SPATA31A6: variants seen among roughly 807,000 people sequenced by gnomAD.
SPATA31A6 encodes spermatogenesis-associated protein 31A6.
A neutral mutation model predicts 11.9 loss-of-function variants in SPATA31A6; 9 were observed. The observed-to-expected ratio is 0.76, with a 90% confidence interval of 0.46 to 1.32. SPATA31A6 has a LOEUF of 1.32. SPATA31A6 is among the 40% of genes most tolerant of loss of function. The pLI, the probability that SPATA31A6 is intolerant of heterozygous loss-of-function variation, is 0.00. For synonymous variants in SPATA31A6, 314 were observed against 572.1 expected (o/e 0.55, Z 6.44); for missense variants, 855 against 1,467.3 (o/e 0.58, Z 6.82).
chr9:42,187,715 G>C lies in SPATA31A6; in HGVS notation c.2013G>C (p.Leu671=), dbSNP rs758708183. 4.6e-6 allele frequency: 7 copies of C among 1,519,546 alleles called. 1 individual carries two copies. The East Asian group carries it at 1.7e-4, about 37-fold the overall frequency. 94.1% of individuals were successfully genotyped at this position (1,519,546 alleles called of 1,614,324 possible). A position where few individuals can be genotyped will look rare whatever the true frequency, so the allele number is the denominator to read the frequency against. ...RDLCPHLGQI[L]GETPQNLSRD... is the part of the protein sequence containing the mutation. ...TGTGCCCACATCTGGGGCAAATTCTGGGTGAGACCCCACAAAATCTATCCA... is the reference window on the plus strand; with the variant it reads ...TGTGCCCACATCTGGGGCAAATTCTCGGTGAGACCCCACAAAATCTATCCA... Residue 671 remains leucine, a synonymous_variant, in exon 4 of 4, where the codon CTG becomes CTC. Transcript: ENST00000332857.
chr9:42,184,964 G>A lies in SPATA31A6; in HGVS notation c.190-105G>A, dbSNP rs1309742153. On this transcript the variant is annotated intron_variant, in intron 1 of 3. Coordinates refer to ENST00000332857, the MANE Select transcript of SPATA31A6 (RefSeq NM_001145196.1). ...AGTGCAGCATGCTGCGGCTGGGCTG[G>A]AGCAGAGAGGGAGAGCCAGTCCTAG... 1.9e-5 allele frequency: 26 copies of A among 1,387,378 alleles called. 5 individuals are homozygous for A. Among genetic ancestry groups the A allele is most frequent in the African/African-American group, 6.5e-5 (4 of 61,150 alleles). The allele number at this position is 1,387,378 out of a possible 1,614,324, so 85.9% of individuals were successfully genotyped here. A position where few individuals can be genotyped will look rare whatever the true frequency, so the allele number is the denominator to read the frequency against.
chr9:42,186,974 C>T lies in SPATA31A6; in HGVS notation c.1272C>T (p.Ser424=), dbSNP rs776758043. ...QLFWGLPSLH[S]ESLVANAWVT... ...TCTGGGGCCTCCCCTCTCTGCACAG[C>T]GAGTCCCTGGTGGCTAACGCCTGGG... Residue 424 remains serine (S), a synonymous_variant, in exon 4 of 4, where the codon AGC becomes AGT. Transcript: ENST00000332857. 51 of 1,544,872 alleles carry T rather than the reference C, an allele frequency of 3.3e-5. 6 individuals are homozygous for T. The highest frequency in any genetic ancestry group is 2.1e-4 in the South Asian group (18 of 87,416).
intron 1 of SPATA31A6, among the ~76,000 whole-genome samples, chr9:42,184,589 G>A (rs1269767639): frequency 1.5e-5 from 2 of 134,674 alleles, no homozygotes; most frequent in Non-Finnish European, 3.1e-5. Context: ...CAGTGAAATG[G>A]AGTGATATAG....
chr9:42,189,456 T>A lies in SPATA31A6; in HGVS notation c.3754T>A (p.Ser1252Thr), dbSNP rs1237203449. The stretch of plus-strand genomic sequence containing the variant: ...CTGCAACCACAGGCACCTCTTCTAC[T>A]CAGAACATGGCAGAATACTGAGCTA... ...FPCNHRHLFY[S>T]EHGRILSYAA... The change falls in exon 4 of 4, where the codon TCA becomes ACA. Residue 1252 changes from serine to threonine, a missense_variant. Physicochemically the swap from Ser to Thr is moderately conservative, Grantham distance 58. Transcript: ENST00000332857. 1 of 1,553,678 alleles carries A rather than the reference T, an allele frequency of 6.4e-7. No individual in the cohort carries two copies. Among genetic ancestry groups the A allele is most frequent in the African/African-American group, 1.6e-5 (1 of 61,154 alleles).
Position 42,185,664 on chromosome 9 carries a change from C to T in SPATA31A6, c.248-31C>T, listed in dbSNP as rs763237734. On this transcript the variant is annotated intron_variant, in intron 2 of 3. Transcript: ENST00000332857. ...CCTGTGAGATCCCAGGCCCCTCCCT[C>T]ACTGCCCTAACCCAGTCTCCTGATT... 19 of 1,483,772 alleles carry T rather than the reference C, an allele frequency of 1.3e-5. 1 individual carries two copies. Among genetic ancestry groups the T allele is most frequent in the Middle Eastern group, 2.4e-4 (1 of 4,176 alleles). The allele number at this position is 1,483,772 out of a possible 1,614,324, so 91.9% of individuals were successfully genotyped here. A position where few individuals can be genotyped will look rare whatever the true frequency, so the allele number is the denominator to read the frequency against.
chr9:42,187,736 A>G lies in SPATA31A6; in HGVS notation c.2034A>G (p.Leu678=). The change falls in exon 4 of 4, where the codon CTA becomes CTG. Residue 678 remains leucine (L), a synonymous_variant. Transcript: ENST00000332857. The part of the protein sequence containing the change: ...GQILGETPQN[L]SRDMKSFPRK... Reference sequence around the variant, plus strand: ...TTCTGGGTGAGACCCCACAAAATCTATCCAGGGACATGAAAAGCTTCCCAC... The same window carrying G: ...TTCTGGGTGAGACCCCACAAAATCTGTCCAGGGACATGAAAAGCTTCCCAC... 1 of 1,516,026 alleles carries G rather than the reference A, an allele frequency of 6.6e-7. No homozygotes were observed. Among genetic ancestry groups the G allele is most frequent in the Non-Finnish European group, 8.9e-7 (1 of 1,128,046 alleles). The allele number at this position is 1,516,026 out of a possible 1,614,324, so 93.9% of individuals were successfully genotyped here.
In SPATA31A6 at chr9:42,189,170, A is replaced by C. The variant is rs1385968583; in HGVS notation, c.3468A>C (p.Val1156=). The C allele has an allele frequency of 1.9e-6, 3 of 1,544,570 alleles. 1 individual carries two copies. The highest frequency in any genetic ancestry group is 2.4e-5 in the East Asian group (1 of 42,086). The change falls in exon 4 of 4, where the codon GTA becomes GTC. Residue 1156 remains valine, a synonymous_variant. Transcript: ENST00000332857. ...LLPSKKQPPS[V]SHFGENIKQF... ...CATCAAAGAAACAGCCTCCTTCAGT[A>C]AGCCACTTTGGAGAAAACATCAAGC... is the stretch of plus-strand genomic sequence containing the variant.
In SPATA31A6 at chr9:42,187,060, T is replaced by C; in HGVS notation, c.1358T>C (p.Val453Ala). 6.5e-7 allele frequency: 1 copy of C among 1,546,202 alleles called. No individual in the cohort carries two copies. ...PPFLFNEMSN[V>A]CPIQRETTMS... ...TTCTTGTTCAATGAAATGTCCAATG[T>C]CTGCCCAATTCAAAGGGAGACTACA... The change falls in exon 4 of 4, where the codon GTC (valine) becomes GCC (alanine). Residue 453 changes from valine to alanine, a missense_variant. Transcript: ENST00000332857.
At chr9:42,184,542 T>TTTTATTTTAC (rs1829409105) in intron 1 of SPATA31A6, among the ~76,000 whole-genome samples, 1 of 132,416 alleles carries the variant, frequency 7.6e-6, no homozygotes, top group Non-Finnish European at 1.6e-5. Context: ...TTTTATTTTA[T>TTTTATTTTAC]TTTTTGAGAT....
Position 42,183,676 on chromosome 9 carries a change from G to T in SPATA31A6, c.-12G>T, listed in dbSNP as rs199522709. On this transcript the variant is annotated 5_prime_UTR_variant, in exon 1 of 4. Coordinates refer to ENST00000332857, the MANE Select transcript of SPATA31A6 (RefSeq NM_001145196.1). ...CAGAGCTCAGTTGCTTGAAAGCAAC[G>T]TGCCTATTCACATGGAGAATCTTCC... 1 of 1,527,646 alleles carries T rather than the reference G, an allele frequency of 6.5e-7. No individual in the cohort carries two copies. The highest frequency in any genetic ancestry group is 1.2e-5 in the South Asian group (1 of 86,288). The allele number at this position is 1,527,646 out of a possible 1,614,324, so 94.6% of individuals were successfully genotyped here.
At chr9:42,185,454 C>T in intron 2 of SPATA31A6, 1 of 674,380 alleles carries the variant, frequency 1.5e-6, no homozygotes. Context: ...GTCCTTTCTC[C>T]CCACAGGGCA....
chr9:42,187,949 C>T lies in SPATA31A6; in HGVS notation c.2247C>T (p.Ser749=). 1 of 941,706 alleles carries T rather than the reference C, an allele frequency of 1.1e-6. No homozygotes were observed. Among genetic ancestry groups the T allele is most frequent in the Non-Finnish European group, 1.4e-6 (1 of 694,686 alleles). 58.3% of individuals were successfully genotyped at this position (941,706 alleles called of 1,614,324 possible). ...EGLIPVRVRR[S]WLAVNQALPV... Reference sequence around the variant, plus strand: ...TGATCCCCGTGCGTGTGCGTCGATCCTGGCTTGCTGTCAACCAGGCTCTTC... The same window carrying T: ...TGATCCCCGTGCGTGTGCGTCGATCTTGGCTTGCTGTCAACCAGGCTCTTC... Residue 749 remains serine (S), a synonymous_variant, in exon 4 of 4, where the codon TCC becomes TCT. Transcript: ENST00000332857.
rs71364261 is a variant in SPATA31A6 at position 42,184,439 on chromosome 9, CTGTGTGTGTGTGTGTG to C, written c.189+591_190-587del. On this transcript the variant is annotated intron_variant, in intron 1 of 3. Transcript: ENST00000332857. ...GGTGGACCTCATATTGAAAATCCCT[CTGTGTGTGTGTGTGTG>C]TGTGTGTGTGTGTGTGTGTGTGTGT... Among the ~76,000 whole-genome samples the C allele has an allele frequency of 1.1e-4, 11 of 102,058 alleles. 1 individual carries two copies. The highest frequency in any genetic ancestry group is 2.9e-4 in the Admixed American group (3 of 10,290). The allele number at this position is 102,058 out of a possible 152,430, so 67.0% of individuals were successfully genotyped here. A position where few individuals can be genotyped will look rare whatever the true frequency, so the allele number is the denominator to read the frequency against.
Position 42,185,994 on chromosome 9 carries a change from C to A in SPATA31A6, c.309-17C>A. The A allele has an allele frequency of 7.1e-7, 1 of 1,399,000 alleles. No homozygotes were observed. The highest frequency in any genetic ancestry group is 1.5e-5 in the South Asian group (1 of 67,436). 86.7% of individuals were successfully genotyped at this position (1,399,000 alleles called of 1,614,324 possible). A position where few individuals can be genotyped will look rare whatever the true frequency, so the allele number is the denominator to read the frequency against. ...CACCGGCTCCTGGCTGCAGCTCGTGCCTCCTGTCTCCTGCAGCCTCCTGGG... is the reference window on the plus strand; with the variant it reads ...CACCGGCTCCTGGCTGCAGCTCGTGACTCCTGTCTCCTGCAGCCTCCTGGG... On this transcript the variant is annotated splice_polypyrimidine_tract_variant and intron_variant, in intron 3 of 3. Transcript: ENST00000332857.
At chr9:42,184,233 C>T (rs138171378) in intron 1 of SPATA31A6, among the ~76,000 whole-genome samples, 1,953 of 135,794 alleles carry the variant, frequency 0.014, 500 homozygotes, top group African/African-American at 0.055. Context: ...TGGCTCAGGG[C>T]CCAGCCTCCC....
Position 42,189,395 on chromosome 9 carries a change from C to G in SPATA31A6, c.3693C>G (p.His1231Gln). Residue 1231 changes from histidine (H) to glutamine (Q), a missense_variant, in exon 4 of 4, where the codon CAC becomes CAG. Physicochemically the swap from His to Gln is conservative, Grantham distance 24. Transcript: ENST00000332857. ...HAHHASKVNQ[H>Q]KQKFQAPVCG... is the part of the protein sequence containing the mutation. Reference sequence around the variant, plus strand: ...ACCATGCCTCGAAGGTAAATCAGCACAAACAGAAGTTTCAAGCCCCAGTCT... The same window carrying G: ...ACCATGCCTCGAAGGTAAATCAGCAGAAACAGAAGTTTCAAGCCCCAGTCT... The G allele has an allele frequency of 6.4e-7, 1 of 1,560,204 alleles. No homozygotes were observed. The highest frequency in any genetic ancestry group is 1.1e-5 in the South Asian group (1 of 87,630).
rs1410390832 is a variant in SPATA31A6, at chr9:42,185,869, G to A, written c.308+114G>A. On this transcript the variant is annotated intron_variant, in intron 3 of 3. Transcript: ENST00000332857. ...GGGAGACCAGGGGGACAGAGGATGGGAGTAAAACCCTGGGGCGAGGGGTAG... is the reference window on the plus strand; with the variant it reads ...GGGAGACCAGGGGGACAGAGGATGGAAGTAAAACCCTGGGGCGAGGGGTAG... 5.0e-6 allele frequency: 7 copies of A among 1,397,684 alleles called. 1 individual carries two copies. The highest frequency in any genetic ancestry group is 2.5e-4 in the Middle Eastern group (1 of 3,980). 86.6% of individuals were successfully genotyped at this position (1,397,684 alleles called of 1,614,324 possible). A position where few individuals can be genotyped will look rare whatever the true frequency, so the allele number is the denominator to read the frequency against.
intron 2 of SPATA31A6, chr9:42,185,470 G>A: frequency 2.7e-6 from 2 of 753,638 alleles, no homozygotes; most frequent in Non-Finnish European, 4.3e-6. Flanking sequence ...GGGCAGTTGT[G>A]AGGACTGTGG....
In SPATA31A6 at chr9:42,187,264, G is replaced by T. The variant is rs768059593; in HGVS notation, c.1562G>T (p.Cys521Phe). 1.4e-5 allele frequency: 22 copies of T among 1,541,762 alleles called. 3 individuals are homozygous for T. Among genetic ancestry groups the T allele is most frequent in the Non-Finnish European group, 1.9e-5 (22 of 1,137,848 alleles). ...PSLIKNTGVA[C>F]PASQNKVQAL... is the part of the protein sequence containing the mutation. ...CTGATTAAGAACACTGGAGTAGCTT[G>T]CCCTGCATCGCAGAATAAAGTGCAA... Residue 521 changes from cysteine to phenylalanine, a missense_variant, in exon 4 of 4, where the codon TGC becomes TTC. Transcript: ENST00000332857.
Sources: gnomAD v4.1 joint callset for allele counts (sites outside exome capture counted in the v4.1 genomes callset) on GRCh38, gnomAD v4.1.1 for gene constraint, MANE v1.5 for transcripts, NCBI Gene and HGNC (gene_info 2026-07-23, HGNC 2026-07-21) for gene names.